The following SPAG17 variants were observed in gnomAD, a reference collection of about 807,000 sequenced individuals.
The protein encoded by SPAG17 is sperm associated antigen 17.
SPAG17 carries 169 observed loss-of-function variants against 273.6 expected under a neutral mutation model. The observed-to-expected ratio is 0.62, with a 90% CI of 0.55 to 0.70. The LOEUF is 0.70. SPAG17 is among the 30% of genes least tolerant of loss of function. The pLI is 0.00. For synonymous variants in SPAG17, 825 were observed against 873.2 expected (o/e 0.94, Z 0.97); for missense variants, 2,557 against 2,627.8 (o/e 0.97, Z 0.59).
At chr1:118,139,307 G>C (rs1658537356) in intron 3 of SPAG17, among the ~76,000 whole-genome samples, 1 of 152,014 alleles carries the variant, frequency 6.6e-6, no homozygotes, top group African/African-American at 2.4e-5. Flanking sequence ...AAAGATGAAA[G>C]ATAACAAGTG....
chr1:118,054,579 G>A (rs1401417609), intron 19 of SPAG17, among the ~76,000 whole-genome samples: 1 of 151,964 alleles, frequency 6.6e-6, no homozygotes, highest in East Asian at 1.9e-4. Context: ...GATTTTCACA[G>A]GTTTTTGGTC....
chr1:118,114,557 C>T (rs1019753504), intron 4 of SPAG17, among the ~76,000 whole-genome samples: 6 of 152,136 alleles, frequency 3.9e-5, no homozygotes, highest in Admixed American at 6.5e-5. Flanking sequence ...CCATTTCATA[C>T]ATACACATGC....
chr1:118,110,953 A>T (rs562287529), intron 4 of SPAG17, among the ~76,000 whole-genome samples: 1 of 152,234 alleles, frequency 6.6e-6, no homozygotes, highest in Non-Finnish European at 1.5e-5. Flanking sequence ...CCTTGGGAAA[A>T]TTCCTTAACT....
intron 7 of SPAG17, among the ~76,000 whole-genome samples, chr1:118,095,502 T>C (rs775198527): frequency 6.6e-6 from 1 of 152,198 alleles, no homozygotes; most frequent in Non-Finnish European, 1.5e-5. Context: ...ACAAAAAATA[T>C]ACACAAGTTC....
chr1:117,987,713 A>G (rs1220851479), intron 40 of SPAG17, 121 bp downstream of exon 40: 2 of 936,838 alleles, frequency 2.1e-6, no homozygotes, highest in African/African-American at 3.3e-5. Context: ...CTTGGTAGAC[A>G]TGTTGCAGAA....
intron 20 of SPAG17, among the ~76,000 whole-genome samples, chr1:118,045,807 A>T (rs1650283069): frequency 6.6e-6 from 1 of 152,212 alleles, no homozygotes; most frequent in South Asian, 2.1e-4. Flanking sequence ...TAGTATCAGA[A>T]TGGAATTTAA....
At chr1:118,110,974 T>TGCAGATG in intron 4 of SPAG17, among the ~76,000 whole-genome samples, 1 of 152,250 alleles carries the variant, frequency 6.6e-6, no homozygotes, top group South Asian at 2.1e-4. Flanking sequence ...TTTCATACCC[T>TGCAGATG]CAGTTTCCCC....
rs575588054 is a variant in SPAG17 at position 118,055,843 on chromosome 1, G to A, written c.2612C>T (p.Ser871Phe). The A allele has an allele frequency of 6.2e-7, 1 of 1,612,846 alleles. No individual in the cohort carries two copies. Among genetic ancestry groups the A allele is most frequent in the African/African-American group, 1.3e-5 (1 of 74,968 alleles). The change falls in exon 19 of 49, where the codon TCT becomes TTT. Residue 871 changes from serine to phenylalanine, a missense_variant. Transcript: ENST00000336338. The part of the protein sequence containing the change: ...ITKEEAIYQE[S>F]KMNEKIIRTR... ...CCTGATGATTTTCTCATTCATTTTAGATTCCTGATATATAGCTTCTTCTTT... is the reference window on the plus strand; with the variant it reads ...CCTGATGATTTTCTCATTCATTTTAAATTCCTGATATATAGCTTCTTCTTT...
chr1:117,981,337 C>T lies in SPAG17; in HGVS notation c.5937G>A (p.Glu1979=). The change falls in exon 43 of 49, where the codon GAG becomes GAA. Residue 1979 remains glutamate (E), a synonymous_variant. Coordinates refer to ENST00000336338, the MANE Select transcript of SPAG17 (RefSeq NM_206996.4). ...TGAAATCCTTCTTATCTGCAGAAAT[C>T]TCTGGTTTTGGAAGACTAGGCACAC... ...SSSVPSLPKP[E]ISADKKDFTA... The T allele has an allele frequency of 6.2e-7, 1 of 1,601,672 alleles. No individual in the cohort carries two copies. The highest frequency in any genetic ancestry group is 8.5e-7 in the Non-Finnish European group (1 of 1,177,226).
chr1:118,145,800 C>T (rs1658952061), intron 3 of SPAG17, among the ~76,000 whole-genome samples: 1 of 152,040 alleles, frequency 6.6e-6, no homozygotes, highest in South Asian at 2.1e-4. Context: ...CTTTATTGTA[C>T]AGAAACTTGG....
chr1:118,147,937 T>C (rs1173758533), intron 3 of SPAG17, among the ~76,000 whole-genome samples: 1 of 152,182 alleles, frequency 6.6e-6, no homozygotes, highest in Non-Finnish European at 1.5e-5. Context: ...GAAAGCCTAA[T>C]TGATTAAAAT....
At chr1:117,983,543 T>A (rs1656066970) in intron 42 of SPAG17, among the ~76,000 whole-genome samples, 1 of 152,250 alleles carries the variant, frequency 6.6e-6, no homozygotes, top group Admixed American at 6.5e-5. Flanking sequence ...CTTATGAATG[T>A]CTTGTTCCCC....
At chr1:118,008,422 G>A (rs1254202946) in intron 30 of SPAG17, among the ~76,000 whole-genome samples, 2 of 152,080 alleles carry the variant, frequency 1.3e-5, no homozygotes. Context: ...TCTTAATTTA[G>A]TATGCTGTCT....
intron 40 of SPAG17, among the ~76,000 whole-genome samples, chr1:117,985,534 A>G (rs1324834206): frequency 6.6e-6 from 1 of 152,176 alleles, no homozygotes; most frequent in Non-Finnish European, 1.5e-5. Flanking sequence ...GAACAGATAA[A>G]AAGAAGGAAT....
chr1:118,147,282 T>G (rs1200330146), intron 3 of SPAG17, among the ~76,000 whole-genome samples: 1 of 152,192 alleles, frequency 6.6e-6, no homozygotes, highest in Non-Finnish European at 1.5e-5. Flanking sequence ...TTGTTAATAT[T>G]CGGTAAAACC....
intron 3 of SPAG17, among the ~76,000 whole-genome samples, chr1:118,148,833 G>C (rs1018965711): frequency 2.0e-5 from 3 of 152,170 alleles, no homozygotes; most frequent in Admixed American, 1.3e-4. Context: ...GCTCTGCAGG[G>C]GTTGCCAGTG....
At chr1:118,184,905 G>A (rs991874217) in intron 1 of SPAG17, among the ~76,000 whole-genome samples, 166 bp downstream of exon 1, 6 of 152,060 alleles carry the variant, frequency 3.9e-5, no homozygotes, top group Non-Finnish European at 5.9e-5. Flanking sequence ...CTTAAGTTCC[G>A]TTCGTTTATC....
chr1:118,122,135 C>T (rs1657457075), intron 3 of SPAG17, among the ~76,000 whole-genome samples: 1 of 143,404 alleles, frequency 7.0e-6, no homozygotes, highest in Admixed American at 7.0e-5. Flanking sequence ...ACTATTGCCC[C>T]AATGTGTGTC....
At chr1:117,960,088 C>G (rs1327837514) in intron 48 of SPAG17, 3 of 149,932 alleles carry the variant, frequency 2.0e-5, no homozygotes, top group African/African-American at 7.4e-5. Flanking sequence ...CCTGGCTGGG[C>G]TTCTGAGGAA....
Sources: gnomAD v4.1 joint callset for allele counts (sites outside exome capture counted in the v4.1 genomes callset) on GRCh38, gnomAD v4.1.1 for gene constraint, MANE v1.5 for transcripts, NCBI Gene and HGNC (gene_info 2026-07-23, HGNC 2026-07-21) for gene names.